Variants in MFAP1 observed in about 807,000 individuals in gnomAD.
The protein encoded by MFAP1 is microfibrillar-associated protein 1.
Under a neutral mutation model 62.2 loss-of-function variants are expected in MFAP1, and 18 were observed. The ratio of observed to expected loss-of-function variants is 0.29; its 90% CI spans 0.20 to 0.43. The LOEUF (loss-of-function observed/expected upper bound fraction) is 0.43, where lower values mean the gene tolerates loss of function less well. MFAP1 is among the 20% of genes least tolerant of loss of function. The pLI, the probability that MFAP1 is intolerant of heterozygous loss-of-function variation, is 1.00. For missense variants in MFAP1, 355 were observed against 559.7 expected (o/e 0.63, Z 3.69); for synonymous variants, 175 against 180.4 (o/e 0.97, Z 0.24).
At position 43,824,487 on chromosome 15, in the gene MFAP1, G is replaced by T; in HGVS notation, c.79+4C>A. ...CGACTGGGAAGAGGGTGTTAGCACC[G>T]TACCTTTCTCATTGCGAACTGGGAC... On this transcript the variant is annotated splice_donor_region_variant and intron_variant, in intron 1 of 8. Transcript: ENST00000267812. The T allele has an allele frequency of 6.2e-7, 1 of 1,614,042 alleles. No homozygotes were observed. The highest frequency in any genetic ancestry group is 8.5e-7 in the Non-Finnish European group (1 of 1,179,962).
At position 43,805,211 on chromosome 15, in the gene MFAP1, G is replaced by C. The variant is rs1451708381; in HGVS notation, c.1203C>G (p.Ser401=). Residue 401 remains serine (S), a synonymous_variant, in exon 9 of 9, where the codon TCC becomes TCG. Transcript: ENST00000267812. ...YTHLVDQDTT[S]FDSAWGQESA... ...TCTCTTGGCCCCAAGCTGAGTCAAA[G>C]GAGGTGGTATCTTGATCCACAAGGT... 3.7e-6 allele frequency: 6 copies of C among 1,602,250 alleles called. No individual in the cohort carries two copies. In the Admixed American group the frequency reaches 1.0e-4, roughly 27 times the overall value.
chr15:43,808,196 G>C (rs891874874), intron 7 of MFAP1, among the ~76,000 whole-genome samples: 1 of 152,182 alleles, frequency 6.6e-6, no homozygotes, highest in Non-Finnish European at 1.5e-5. Flanking sequence ...TCTTGTTTAA[G>C]AAAGACTTTT....
At chr15:43,815,229 C>T (rs538527391) in intron 2 of MFAP1, among the ~76,000 whole-genome samples, 155 bp from the exon 3 acceptor site, 14 of 151,880 alleles carry the variant, frequency 9.2e-5, no homozygotes, top group African/African-American at 3.1e-4. Context: ...GCCCAGGCTG[C>T]AGTGCAGTGG....
chr15:43,820,963 T>G (rs1435111055), intron 1 of MFAP1, among the ~76,000 whole-genome samples: 3 of 152,122 alleles, frequency 2.0e-5, no homozygotes, highest in Admixed American at 2.0e-4. Context: ...TGGTGTGCAG[T>G]GGCATGATCA....
rs114388454 is a variant in MFAP1 at position 43,813,270 on chromosome 15, T to C, written c.705A>G (p.Glu235=). ...GTACCTTGAGTGTGTACTTGCGCCT[T>C]TCCTCAGCCATGCGTTTTGCTTCCT... ...LEQEAKRMAE[E]RRKYTLKIVE... The change falls in exon 5 of 9, where the codon GAA becomes GAG. Residue 235 remains glutamate (E), a synonymous_variant. Coordinates refer to ENST00000267812, the MANE Select transcript of MFAP1 (RefSeq NM_005926.3). 2.2e-5 allele frequency: 35 copies of C among 1,613,632 alleles called. No homozygotes were observed. In the East Asian group the frequency reaches 2.5e-4, roughly 11 times the overall value.
At chr15:43,823,452 C>T (rs1261202040) in intron 1 of MFAP1, among the ~76,000 whole-genome samples, 2 of 151,792 alleles carry the variant, frequency 1.3e-5, no homozygotes, top group Non-Finnish European at 1.5e-5. Flanking sequence ...TCTCTGCTCA[C>T]TGCGACCTCC....
intron 2 of MFAP1, among the ~76,000 whole-genome samples, chr15:43,816,393 C>T (rs563741803): frequency 6.1e-4 from 93 of 151,792 alleles, no homozygotes; most frequent in South Asian, 2.7e-3. Flanking sequence ...TACAGGTGCC[C>T]GCCACCAGGC....
intron 2 of MFAP1, among the ~76,000 whole-genome samples, chr15:43,816,250 CTTTT>C (rs71299553): frequency 1.5e-5 from 2 of 135,756 alleles, no homozygotes; most frequent in African/African-American, 5.4e-5. Flanking sequence ...TTTTTCTTTT[CTTTT>C]TTTTTTTTTG....
At chr15:43,824,105 T>C (rs2087483900) in intron 1 of MFAP1, among the ~76,000 whole-genome samples, 1 of 151,552 alleles carries the variant, frequency 6.6e-6, no homozygotes, top group Admixed American at 6.6e-5. Flanking sequence ...TAAATTCTTG[T>C]AATTATATGT....
chr15:43,812,811 C>T (rs2087410054), intron 6 of MFAP1, among the ~76,000 whole-genome samples, 176 bp downstream of exon 6: 1 of 152,186 alleles, frequency 6.6e-6, no homozygotes, highest in South Asian at 2.1e-4. Context: ...TTTTTCTCTT[C>T]CCTGATTTCA....
chr15:43,806,083 G>T (rs2087363444), intron 7 of MFAP1, among the ~76,000 whole-genome samples: 1 of 151,544 alleles, frequency 6.6e-6, no homozygotes, highest in African/African-American at 2.4e-5. Flanking sequence ...TCAGCCTCCT[G>T]AGTGGCTGGG....
chr15:43,812,072 C>T (rs2087404821), intron 6 of MFAP1, among the ~76,000 whole-genome samples: 1 of 152,002 alleles, frequency 6.6e-6, no homozygotes, highest in African/African-American at 2.4e-5. Flanking sequence ...TGCCTGTAAT[C>T]CCAGCTACTT....
chr15:43,812,007 T>C (rs1460338234), intron 6 of MFAP1, among the ~76,000 whole-genome samples: 4 of 151,982 alleles, frequency 2.6e-5, no homozygotes, highest in Non-Finnish European at 5.9e-5. Context: ...CTGACCAACA[T>C]GGTGAAACCC....
intron 4 of MFAP1, 67 bp downstream of exon 4, chr15:43,814,432 CAG>C (rs2087421997): frequency 1.3e-6 from 2 of 1,497,302 alleles, no homozygotes; most frequent in South Asian, 2.7e-5. Flanking sequence ...AGACAGAAAA[CAG>C]ACTTTTGTCT....
intron 1 of MFAP1, among the ~76,000 whole-genome samples, chr15:43,820,346 A>G (rs992110050): frequency 1.3e-5 from 2 of 152,034 alleles, no homozygotes; most frequent in African/African-American, 4.8e-5. Context: ...AACAAAAAAA[A>G]CCAGTGAGCA....
chr15:43,824,011 A>G (rs2087483307), intron 1 of MFAP1, among the ~76,000 whole-genome samples: 1 of 152,020 alleles, frequency 6.6e-6, no homozygotes, highest in Non-Finnish European at 1.5e-5. Flanking sequence ...CTGATATTAT[A>G]TACATATTCT....
At chr15:43,811,899 A>G (rs1399542485) in intron 6 of MFAP1, among the ~76,000 whole-genome samples, 1 of 151,388 alleles carries the variant, frequency 6.6e-6, no homozygotes, top group Non-Finnish European at 1.5e-5. Flanking sequence ...CTCAGAAATG[A>G]TTCTGCTGGG....
intron 1 of MFAP1, among the ~76,000 whole-genome samples, chr15:43,818,892 A>T (rs946936815): frequency 1.3e-5 from 2 of 152,040 alleles, no homozygotes; most frequent in East Asian, 3.9e-4. Flanking sequence ...ACCCTGTGTC[A>T]AACACAAAAA....
intron 6 of MFAP1, among the ~76,000 whole-genome samples, chr15:43,810,568 C>A (rs150034088): frequency 6.6e-6 from 1 of 151,830 alleles, no homozygotes; most frequent in Non-Finnish European, 1.5e-5. Flanking sequence ...GGGGTTTCAC[C>A]GTGTTAGCCA....
Sources: gnomAD v4.1 joint callset for allele counts (sites outside exome capture counted in the v4.1 genomes callset) on GRCh38, gnomAD v4.1.1 for gene constraint, MANE v1.5 for transcripts, NCBI Gene and HGNC (gene_info 2026-07-23, HGNC 2026-07-21) for gene names.